CDCP1: variants seen among roughly 807,000 people sequenced by gnomAD.
CDCP1 encodes CUB domain-containing protein 1.
In CDCP1, 29 loss-of-function variants were observed where a neutral mutation model predicts 60.2. The observed-to-expected ratio is 0.48, with a 90% CI of 0.36 to 0.66. CDCP1 has a LOEUF of 0.66. Among genes scored for constraint, CDCP1 ranks in the 30% least tolerant of loss-of-function variants. CDCP1 has a pLI of 0.00. For synonymous variants in CDCP1, 387 were observed against 431.1 expected (o/e 0.90, Z 1.27); for missense variants, 876 against 1,074.3 (o/e 0.82, Z 2.58).
intron 3 of CDCP1, among the ~76,000 whole-genome samples, chr3:45,111,334 T>A (rs1460654516): frequency 6.6e-6 from 1 of 152,252 alleles, no homozygotes; most frequent in African/African-American, 2.4e-5. Flanking sequence ...TCTATTTTTT[T>A]ATAACGGATC....
intron 1 of CDCP1, chr3:45,139,466 C>T (rs1699245949): frequency 6.6e-6 from 1 of 152,312 alleles, no homozygotes; most frequent in African/African-American, 2.4e-5. Context: ...CCAGTGAGGT[C>T]TTTGGCTCCA....
Position 45,107,815 on chromosome 3 carries a change from G to A in CDCP1, c.1024+2658C>T, listed in dbSNP as rs1698593376. ...AGCTGCCTACAAACACTTAGCAAAT[G>A]AGAGAGAATAAAGAATGAGGGCTGG... On this transcript the variant is annotated intron_variant, in intron 4 of 8. Coordinates refer to ENST00000296129, the MANE Select transcript of CDCP1 (RefSeq NM_022842.5). Among the ~76,000 whole-genome samples, 5 of 152,194 alleles carry A rather than the reference G, an allele frequency of 3.3e-5. No individual in the cohort carries two copies. The South Asian group carries it at 1.0e-3, about 32-fold the overall frequency.
In CDCP1 at chr3:45,085,940, T is replaced by C. The variant is rs1698184086; in HGVS notation, c.2209A>G (p.Ile737Val). 1.2e-6 allele frequency: 2 copies of C among 1,614,232 alleles called. No homozygotes were observed. Residue 737 changes from isoleucine (I) to valine (V), a missense_variant, in exon 9 of 9, where the codon ATC becomes GTC. Ile to Val is a conservative substitution (Grantham distance 29). This residue lies in a region of CDCP1 where 726 missense variants were observed against 935.7 expected (regional missense o/e 0.78). Transcript: ENST00000296129. This position sits in a 1 kb window ranked among gnomAD's most constrained non-coding sequence, Gnocchi z 4.2. ...KDNDSHVYAVIEDTMVYGHLL... is the reference protein window; with the variant it reads ...KDNDSHVYAVVEDTMVYGHLL... Reference sequence around the variant, plus strand: ...TGCCCATATACCATGGTGTCCTCGATGACTGCATACACATGGGAGTCATTG... The same window carrying C: ...TGCCCATATACCATGGTGTCCTCGACGACTGCATACACATGGGAGTCATTG...
intron 1 of CDCP1, among the ~76,000 whole-genome samples, chr3:45,145,615 G>A (rs1473544466): frequency 6.6e-6 from 1 of 152,150 alleles, no homozygotes; most frequent in African/African-American, 2.4e-5. Flanking sequence ...AAGAAATCCG[G>A]GCGCTTTCAT....
chr3:45,121,935 T>C lies in CDCP1; in HGVS notation c.83-3314A>G, dbSNP rs1166782694. 8.0e-5 allele frequency among the ~76,000 whole-genome samples: 12 copies of C among 150,372 alleles called. No homozygotes were observed. The Admixed American group carries it at 8.1e-4, about 10-fold the overall frequency. Reference sequence around the variant, plus strand: ...AATAATCATTACCACAGTTAAAATATGGTTTAATAATATTTTGGGGGAAGC... The same window carrying C: ...AATAATCATTACCACAGTTAAAATACGGTTTAATAATATTTTGGGGGAAGC... On this transcript the variant is annotated intron_variant, in intron 1 of 8. Transcript: ENST00000296129.
chr3:45,130,708 C>G (rs964795840), intron 1 of CDCP1, among the ~76,000 whole-genome samples: 1 of 152,210 alleles, frequency 6.6e-6, no homozygotes, highest in Admixed American at 6.5e-5. Flanking sequence ...TCCTCATGAT[C>G]TGAACCCTAA....
intron 2 of CDCP1, among the ~76,000 whole-genome samples, chr3:45,116,288 T>C (rs560106459): frequency 7.4e-5 from 11 of 148,440 alleles, no homozygotes; most frequent in African/African-American, 2.7e-4. Context: ...GATGATCATA[T>C]ACAGTTTTTT....
At chr3:45,139,243 C>T (rs1463970204) in intron 1 of CDCP1, 1 of 152,212 alleles carries the variant, frequency 6.6e-6, no homozygotes, top group Non-Finnish European at 1.5e-5. Flanking sequence ...TTCTCACTAA[C>T]TGAGGAATTT....
chr3:45,095,921 G>A (rs1387167800), intron 4 of CDCP1, among the ~76,000 whole-genome samples: 1 of 152,124 alleles, frequency 6.6e-6, no homozygotes, highest in Admixed American at 6.5e-5. Context: ...AATATAGAAT[G>A]ATTGAGCAGC....
chr3:45,136,270 G>A (rs1001437419), intron 1 of CDCP1, among the ~76,000 whole-genome samples: 3 of 152,222 alleles, frequency 2.0e-5, no homozygotes, highest in African/African-American at 7.2e-5. Flanking sequence ...AAAAAAAGCA[G>A]ATGGTTCTTC....
At chr3:45,129,936 T>G (rs1006357657) in intron 1 of CDCP1, among the ~76,000 whole-genome samples, 3 of 151,942 alleles carry the variant, frequency 2.0e-5, no homozygotes, top group African/African-American at 7.3e-5. Flanking sequence ...TATGTCAGAA[T>G]AGTGAACCTG....
rs1438474130 is a variant in CDCP1, at chr3:45,146,229, G to T, written c.59C>A (p.Ala20Glu). Residue 20 changes from alanine to glutamate, a missense_variant, in exon 1 of 9, where the codon GCG becomes GAG. Transcript: ENST00000296129. ...IALLGVLLLGAARLPRGAEAF... is the reference protein window; with the variant it reads ...IALLGVLLLGEARLPRGAEAF... Reference sequence around the variant, plus strand: ...ACCTGCCCCGCGCGGCAGGCGCGCCGCACCCAGCAGCAGAACCCCTAGCAG... The same window carrying T: ...ACCTGCCCCGCGCGGCAGGCGCGCCTCACCCAGCAGCAGAACCCCTAGCAG... The T allele has an allele frequency of 6.3e-7, 1 of 1,596,328 alleles. No individual in the cohort carries two copies. Among genetic ancestry groups the T allele is most frequent in the South Asian group, 1.1e-5 (1 of 89,032 alleles).
chr3:45,098,832 AATT>A (rs1263622179), intron 4 of CDCP1, among the ~76,000 whole-genome samples: 1 of 152,090 alleles, frequency 6.6e-6, no homozygotes, highest in East Asian at 1.9e-4. Context: ...CCCTGTAGTG[AATT>A]ATTATCATTT....
chr3:45,112,166 C>A lies in CDCP1; in HGVS notation c.572G>T (p.Gly191Val). The A allele has an allele frequency of 6.2e-7, 1 of 1,614,130 alleles. No individual in the cohort carries two copies. ...TGGGAGGTGTAAGGCCATTTTCACT[C>A]CTTCTTGCATCTTGATCCGGGACAC... The part of the protein sequence containing the change: ...GTVSRIKMQE[G>V]VKMALHLPWF... The change falls in exon 3 of 9, where the codon GGA (glycine) becomes GTA (valine). Residue 191 changes from glycine to valine, a missense_variant. This residue lies in a region of CDCP1 where 726 missense variants were observed against 935.7 expected (regional missense o/e 0.78). Coordinates refer to ENST00000296129, the MANE Select transcript of CDCP1 (RefSeq NM_022842.5).
chr3:45,087,264 C>T (rs1380062178), intron 8 of CDCP1, among the ~76,000 whole-genome samples: 2 of 152,212 alleles, frequency 1.3e-5, no homozygotes, highest in African/African-American at 4.8e-5. Context: ...CTCATTCTCA[C>T]TGCACAACCT....
rs183342274 is a variant in CDCP1 at position 45,116,083 on chromosome 3, T to G, written c.292+2329A>C. On this transcript the variant is annotated intron_variant, in intron 2 of 8. Coordinates refer to ENST00000296129, the MANE Select transcript of CDCP1 (RefSeq NM_022842.5). Reference sequence around the variant, plus strand: ...AGCCTCCTTATGTTATTGCCTGTTTTATTGGTAATGCTGCCATATCTGATA... The same window carrying G: ...AGCCTCCTTATGTTATTGCCTGTTTGATTGGTAATGCTGCCATATCTGATA... Among the ~76,000 whole-genome samples, 310 of 152,336 alleles carry G rather than the reference T, an allele frequency of 2.0e-3. 4 individuals are homozygous for G. Among genetic ancestry groups the G allele is most frequent in the Non-Finnish European group, 1.5e-3 (101 of 68,022 alleles).
chr3:45,137,891 C>G (rs975157045), intron 1 of CDCP1, among the ~76,000 whole-genome samples: 9 of 152,026 alleles, frequency 5.9e-5, no homozygotes, highest in Admixed American at 4.6e-4. Context: ...CCTGATAAGA[C>G]TGTCAGAAAC....
intron 1 of CDCP1, among the ~76,000 whole-genome samples, chr3:45,128,990 T>C (rs1306901405): frequency 6.6e-6 from 1 of 152,256 alleles, no homozygotes; most frequent in Non-Finnish European, 1.5e-5. Flanking sequence ...GTGCTGGGAT[T>C]ACAGGCGTGA....
chr3:45,132,334 C>G (rs896091641), intron 1 of CDCP1, among the ~76,000 whole-genome samples: 2 of 152,110 alleles, frequency 1.3e-5, no homozygotes, highest in African/African-American at 4.8e-5. Flanking sequence ...TTAAAATGAG[C>G]TTTTCCAGAA....
Sources: allele counts gnomAD v4.1 joint callset (sites outside exome capture counted in the v4.1 genomes callset), GRCh38; gene constraint gnomAD v4.1.1; regional missense constraint gnomAD v4.1.1; non-coding constraint Gnocchi (gnomAD v3.1); transcripts MANE v1.5; gene names NCBI Gene and HGNC (gene_info 2026-07-23, HGNC 2026-07-21).